The following PHLDA3 variants were observed in gnomAD, a reference collection of about 807,000 sequenced individuals.
PHLDA3 encodes the protein pleckstrin homology-like domain family A member 3.
In PHLDA3, 12 loss-of-function variants were observed where a neutral mutation model predicts 7.6. That is an observed-to-expected ratio of 1.58 (90% confidence interval 1.01 to 2.55). The LOEUF (loss-of-function observed/expected upper bound fraction) is 2.55, where lower values mean the gene tolerates loss of function less well. Ranked by LOEUF, PHLDA3 falls within the 30% of genes most tolerant of loss-of-function variation. PHLDA3 has a pLI of 0.00. For synonymous variants in PHLDA3, 104 were observed against 85.1 expected, an observed-to-expected ratio of 1.22 and a Z score of -1.23; for missense variants, 177 against 175.6, an observed-to-expected ratio of 1.01 and a Z score of -0.05.
intron 1 of PHLDA3, chr1:201,467,639 T>TACACACACACACACACAC (rs56225084): frequency 5.0e-5 from 7 of 140,016 alleles, no homozygotes; most frequent in East Asian, 2.2e-4. Flanking sequence ...CAACAAACCA[T>TACACACACACACACACAC]ACACACACAC....
intron 1 of PHLDA3, 106 bp downstream of exon 1, chr1:201,468,235 C>T (rs1183818113): frequency 8.3e-6 from 7 of 845,064 alleles, no homozygotes; most frequent in Non-Finnish European, 1.2e-5. Context: ...GGAACCTCCC[C>T]CCTAAGATGT....
rs1663752144 is a variant in PHLDA3, at chr1:201,468,827, G to C, written c.-41C>G. 2.7e-6 allele frequency: 4 copies of C among 1,475,192 alleles called. No individual in the cohort carries two copies. Among genetic ancestry groups the C allele is most frequent in the Non-Finnish European group, 3.6e-6 (4 of 1,125,702 alleles). The allele number at this position is 1,475,192 out of a possible 1,614,324, so 91.4% of individuals were successfully genotyped here. ...CGCGGAAAGCTCCAGGCTGCGGCGGGCGCGGCGCCCCTCTCGGCCCCGCAG... is the reference window on the plus strand; with the variant it reads ...CGCGGAAAGCTCCAGGCTGCGGCGGCCGCGGCGCCCCTCTCGGCCCCGCAG... On this transcript the variant is annotated 5_prime_UTR_variant, in exon 1 of 2. Transcript: ENST00000367311.
chr1:201,468,170 C>T (rs1017890753), intron 1 of PHLDA3, among the ~76,000 whole-genome samples, 171 bp downstream of exon 1: 3 of 152,342 alleles, frequency 2.0e-5, no homozygotes, highest in Admixed American at 2.0e-4. Context: ...GGGGAAAGTC[C>T]GGATCTGCTG....
intron 1 of PHLDA3, among the ~76,000 whole-genome samples, chr1:201,468,003 A>AATGT (rs1663714946): frequency 6.6e-6 from 1 of 152,212 alleles, no homozygotes. Context: ...AGCCTGGGGC[A>AATGT]ATGTGCAGGC....
rs1663641704 is a variant in PHLDA3 at position 201,465,598 on chromosome 1, T to C, written c.*643A>G. 6.5e-6 allele frequency: 1 copy of C among 154,816 alleles called. No individual in the cohort carries two copies. Among genetic ancestry groups the C allele is most frequent in the Non-Finnish European group, 1.5e-5 (1 of 68,328 alleles). The allele number at this position is 154,816 out of a possible 1,614,324, so 9.6% of individuals were successfully genotyped here. A position where few individuals can be genotyped will look rare whatever the true frequency, so the allele number is the denominator to read the frequency against. On this transcript the variant is annotated 3_prime_UTR_variant, in exon 2 of 2. Coordinates refer to ENST00000367311, the MANE Select transcript of PHLDA3 (RefSeq NM_012396.5). ...ACCACCTTCAGGCCGAACACCGCAG[T>C]GGGGGGAAGATGCGTAGAGGTGGGG... is the stretch of plus-strand genomic sequence containing the variant.
chr1:201,468,862 C>A lies in PHLDA3; in HGVS notation c.-76G>T. 3.6e-6 allele frequency: 5 copies of A among 1,384,368 alleles called. No individual in the cohort carries two copies. The highest frequency in any genetic ancestry group is 4.6e-6 in the Non-Finnish European group (5 of 1,076,860). 85.8% of individuals were successfully genotyped at this position (1,384,368 alleles called of 1,614,324 possible). On this transcript the variant is annotated 5_prime_UTR_variant, in exon 1 of 2. Transcript: ENST00000367311. ...CCTCTCGGCCCCGCAGCGCAGGATT[C>A]TGGCGCCCCGGGCTGGCAGGCCGTG...
rs779197994 is a variant in PHLDA3, at chr1:201,468,430, G to A, written c.357C>T (p.Ser119=). ...QAIQTVRARQ[S]LGTGTLVS is the part of the protein sequence containing the mutation. The stretch of plus-strand genomic sequence containing the variant: ...AGGACACGAGGGTCCCGGTCCCGAG[G>A]CTCTGCCGGGCCCGCACTGTCTGGA... The change falls in exon 1 of 2, where the codon AGC becomes AGT. Residue 119 remains serine (S), a synonymous_variant. Transcript: ENST00000367311. 6 of 1,613,998 alleles carry A rather than the reference G, an allele frequency of 3.7e-6. No individual in the cohort carries two copies. In the African/African-American group the frequency reaches 6.7e-5, roughly 18 times the overall value.
chr1:201,466,459 T>C (rs947811572), intron 1 of PHLDA3: 4 of 151,986 alleles, frequency 2.6e-5, no homozygotes, highest in Non-Finnish European at 5.9e-5. Flanking sequence ...ACCATCAAAG[T>C]GGGGTATGGC....
Position 201,468,959 on chromosome 1 carries a change from G to GAA in PHLDA3, c.-174_-173insTT. ...GCCCTCAGCACCCGGCTGCCGGTGA[G>GAA]GTGGTGTCGGTGCCCCCAGCGCGCT... On this transcript the variant is annotated 5_prime_UTR_variant, in exon 1 of 2. Transcript: ENST00000367311. 4 of 625,244 alleles carry GAA rather than the reference G, an allele frequency of 6.4e-6. No homozygotes were observed. The highest frequency in any genetic ancestry group is 9.5e-6 in the Non-Finnish European group (4 of 419,860). The allele number at this position is 625,244 out of a possible 1,614,324, so 38.7% of individuals were successfully genotyped here.
chr1:201,466,665 A>G (rs978062411), intron 1 of PHLDA3: 4 of 152,326 alleles, frequency 2.6e-5, no homozygotes, highest in African/African-American at 9.6e-5. Flanking sequence ...TCTGGGGAAG[A>G]GGGCACAGGG....
Position 201,468,411 on chromosome 1 carries a change from C to A in PHLDA3, c.376G>T (p.Val126Leu). Reference protein sequence around the residue: ...ARQSLGTGTLVS With the variant: ...ARQSLGTGTLLS ...ATGGTGCGCCCGGTGGTTTAGGACA[C>A]GAGGGTCCCGGTCCCGAGGCTCTGC... is the stretch of plus-strand genomic sequence containing the variant. Residue 126 changes from valine to leucine, a missense_variant, in exon 1 of 2, where the codon GTG (valine) becomes TTG (leucine). Val to Leu is a conservative substitution (Grantham distance 32). Transcript: ENST00000367311. 6.2e-7 allele frequency: 1 copy of A among 1,613,902 alleles called. No homozygotes were observed. Among genetic ancestry groups the A allele is most frequent in the Non-Finnish European group, 8.5e-7 (1 of 1,179,940 alleles).
At position 201,469,018 on chromosome 1, in the gene PHLDA3, C is replaced by G; in HGVS notation, c.-232G>C. 2.4e-6 allele frequency: 1 copy of G among 423,182 alleles called. No individual in the cohort carries two copies. Among genetic ancestry groups the G allele is most frequent in the Non-Finnish European group, 4.0e-6 (1 of 249,046 alleles). The allele number at this position is 423,182 out of a possible 1,614,324, so 26.2% of individuals were successfully genotyped here. A position where few individuals can be genotyped will look rare whatever the true frequency, so the allele number is the denominator to read the frequency against. On this transcript the variant is annotated 5_prime_UTR_variant, in exon 1 of 2. Coordinates refer to ENST00000367311, the MANE Select transcript of PHLDA3 (RefSeq NM_012396.5). ...ACCGCCCCGCTTCAGCCGGCACCCG[C>G]TCCTCCGCTCTACCCCAGCTGGCCC...
At position 201,468,782 on chromosome 1, in the gene PHLDA3, G is replaced by T. The variant is rs1319418207; in HGVS notation, c.5C>A (p.Thr2Lys). The T allele has an allele frequency of 1.3e-6, 2 of 1,548,198 alleles. No individual in the cohort carries two copies. The highest frequency in any genetic ancestry group is 1.7e-6 in the Non-Finnish European group (2 of 1,155,066). The change falls in exon 1 of 2, where the codon ACG becomes AAG. Residue 2 changes from threonine to lysine, a missense_variant. Thr to Lys is a moderately conservative substitution (Grantham distance 78). Coordinates refer to ENST00000367311, the MANE Select transcript of PHLDA3 (RefSeq NM_012396.5). M[T>K]AAATATVLKE... ...GAGCACGGTAGCCGTCGCCGCCGCC[G>T]TCATGGGCGCCCCGAGGTTCGCGGA...
At chr1:201,467,645 C>CACAG (rs1411891503) in intron 1 of PHLDA3, 1,397 of 40,596 alleles carry the variant, frequency 0.034, 20 homozygotes, top group African/African-American at 0.082. Context: ...ACCATACACA[C>CACAG]ACACACACAC....
At position 201,468,673 on chromosome 1, in the gene PHLDA3, C is replaced by G. The variant is rs767551836; in HGVS notation, c.114G>C (p.Leu38=). The change falls in exon 1 of 2, where the codon CTG becomes CTC. Residue 38 remains leucine (L), a synonymous_variant. Coordinates refer to ENST00000367311, the MANE Select transcript of PHLDA3 (RefSeq NM_012396.5). The part of the protein sequence containing the change: ...RKRCVLTERG[L]QLFEAKGTGG... ...CCGTGCCCTTGGCCTCGAAGAGCTG[C>G]AGCCCGCGTTCGGTGAGGACGCAGC... 1 of 1,612,294 alleles carries G rather than the reference C, an allele frequency of 6.2e-7. No individual in the cohort carries two copies.
chr1:201,468,194 C>T, intron 1 of PHLDA3, 147 bp downstream of exon 1: 1 of 634,136 alleles, frequency 1.6e-6, no homozygotes, highest in Non-Finnish European at 2.6e-6. Flanking sequence ...TGGCCACTGG[C>T]CCAAGCCTCC....
chr1:201,468,476 T>C lies in PHLDA3; in HGVS notation c.311A>G (p.Lys104Arg), dbSNP rs1430387431. 2 of 1,614,066 alleles carry C rather than the reference T, an allele frequency of 1.2e-6. No individual in the cohort carries two copies. Among genetic ancestry groups the C allele is most frequent in the South Asian group, 1.1e-5 (1 of 91,084 alleles). Residue 104 changes from lysine to arginine, a missense_variant, in exon 1 of 2, where the codon AAG (lysine) becomes AGG (arginine). Transcript: ENST00000367311. ...CTGGATGGCCTGCTGGTTCTTGAAC[T>C]TGACCAGGCCTAGGGTGATCTGGGC... is the stretch of plus-strand genomic sequence containing the variant. Reference protein sequence around the residue: ...WNAQITLGLVKFKNQQAIQTV... With the variant: ...WNAQITLGLVRFKNQQAIQTV...
rs1192547982 is a variant in PHLDA3 at position 201,464,284 on chromosome 1, T to G, written c.*1957A>C. Reference sequence around the variant, plus strand: ...TCACCAATTGATCACAGCATTCTAGTTGAGCTCTGATCTTTCTCAGCACTG... The same window carrying G: ...TCACCAATTGATCACAGCATTCTAGGTGAGCTCTGATCTTTCTCAGCACTG... On this transcript the variant is annotated 3_prime_UTR_variant, in exon 2 of 2. Transcript: ENST00000367311. The G allele has an allele frequency of 1.3e-5, 2 of 152,228 alleles. No individual in the cohort carries two copies. Among genetic ancestry groups the G allele is most frequent in the Non-Finnish European group, 2.9e-5 (2 of 68,046 alleles). The allele number at this position is 152,228 out of a possible 1,614,324, so 9.4% of individuals were successfully genotyped here. A position where few individuals can be genotyped will look rare whatever the true frequency, so the allele number is the denominator to read the frequency against.
chr1:201,467,972 G>A lies in PHLDA3; in HGVS notation c.*62+369C>T, dbSNP rs1437936616. Among the ~76,000 whole-genome samples the A allele has an allele frequency of 2.0e-5, 3 of 152,244 alleles. No homozygotes were observed. The East Asian group carries it at 5.8e-4, about 29-fold the overall frequency. ...AGCCGAAGTCCAGGAGCCCTGCTCT[G>A]CGTGGAAAGCAGAGGCCCACAGCCT... On this transcript the variant is annotated intron_variant, in intron 1 of 1. Transcript: ENST00000367311.
Sources: allele counts gnomAD v4.1 joint callset (sites outside exome capture counted in the v4.1 genomes callset), GRCh38; gene constraint gnomAD v4.1.1; transcripts MANE v1.5; gene names NCBI Gene and HGNC (gene_info 2026-07-23, HGNC 2026-07-21).